VAPA: variants seen among roughly 807,000 people sequenced by gnomAD.
VAPA encodes the protein VAMP associated protein A.
In VAPA, 6 loss-of-function variants were observed where a neutral mutation model predicts 25.6. The ratio of observed to expected loss-of-function variants is 0.23; its 90% confidence interval spans 0.13 to 0.46. The LOEUF (loss-of-function observed/expected upper bound fraction) is 0.46. Ranked by LOEUF, VAPA falls within the 20% of genes least tolerant of loss-of-function variation. VAPA has a pLI of 0.99. For synonymous variants in VAPA, 112 were observed against 106.2 expected (o/e 1.05, Z -0.34); for missense variants, 244 against 302.1 (o/e 0.81, Z 1.43).
intron 4 of VAPA, among the ~76,000 whole-genome samples, chr18:9,940,501 G>T (rs747876859): frequency 4.6e-5 from 7 of 152,096 alleles, no homozygotes; most frequent in African/African-American, 7.2e-5. Context: ...TCACTTGAAG[G>T]TGCTTCTTCA....
intron 4 of VAPA, chr18:9,945,101 C>A (rs758085061): frequency 6.2e-7 from 1 of 1,601,120 alleles, no homozygotes; most frequent in Non-Finnish European, 8.5e-7. Context: ...CTACTAGTGT[C>A]AATGGTTAAG....
At chr18:9,951,608 T>A (rs2069490846) in intron 5 of VAPA, among the ~76,000 whole-genome samples, 1 of 152,252 alleles carries the variant, frequency 6.6e-6, no homozygotes, top group African/African-American at 2.4e-5. Flanking sequence ...TAATTTGTCT[T>A]TGACAAGTAA....
chr18:9,944,275 A>G (rs2069398671), intron 4 of VAPA, among the ~76,000 whole-genome samples: 1 of 152,178 alleles, frequency 6.6e-6, no homozygotes, highest in African/African-American at 2.4e-5. Flanking sequence ...AAAATGGTTG[A>G]ATATACATTA....
chr18:9,935,873 A>G (rs909114781), intron 2 of VAPA, among the ~76,000 whole-genome samples: 3 of 152,204 alleles, frequency 2.0e-5, no homozygotes, highest in African/African-American at 7.2e-5. Context: ...AAGACAGACA[A>G]TTTAAAAATA....
rs2069556521 is a variant in VAPA at position 9,956,830 on chromosome 18, A to G, written c.*2619A>G. On this transcript the variant is annotated 3_prime_UTR_variant, in exon 6 of 6. Coordinates refer to ENST00000400000, the MANE Select transcript of VAPA (RefSeq NM_194434.3). ...GCTAATACTGAAATTACAATCAAGTAACTAAGGCCTTGAGTTCATATGTGA... is the reference window on the plus strand; with the variant it reads ...GCTAATACTGAAATTACAATCAAGTGACTAAGGCCTTGAGTTCATATGTGA... 6.6e-6 allele frequency: 1 copy of G among 152,228 alleles called. No homozygotes were observed. Among genetic ancestry groups the G allele is most frequent in the Non-Finnish European group, 1.5e-5 (1 of 68,032 alleles). 9.4% of individuals were successfully genotyped at this position (152,228 alleles called of 1,614,324 possible). A position where few individuals can be genotyped will look rare whatever the true frequency, so the allele number is the denominator to read the frequency against.
chr18:9,926,925 C>T (rs1179304481), intron 1 of VAPA, among the ~76,000 whole-genome samples: 2 of 152,126 alleles, frequency 1.3e-5, no homozygotes, highest in African/African-American at 4.8e-5. Flanking sequence ...GTCTCCTAAA[C>T]ACACCTCTGA....
chr18:9,935,505 G>C (rs2069300269), intron 2 of VAPA, among the ~76,000 whole-genome samples: 1 of 152,208 alleles, frequency 6.6e-6, no homozygotes, highest in Non-Finnish European at 1.5e-5. Context: ...GCCTAGGGAG[G>C]TTGAGGCTAC....
At chr18:9,951,363 A>T (rs1259609127) in intron 5 of VAPA, 2 of 152,278 alleles carry the variant, frequency 1.3e-5, no homozygotes, top group African/African-American at 4.8e-5. Context: ...CAAAAGAAGA[A>T]AAAAATCGAT....
chr18:9,944,861 TATC>T, intron 4 of VAPA: 9 of 1,566,072 alleles, frequency 5.7e-6, no homozygotes, highest in Non-Finnish European at 6.9e-6. Context: ...TCATTCCCAA[TATC>T]ATGCAGAAGA....
chr18:9,921,657 T>C (rs1015839085), intron 1 of VAPA, among the ~76,000 whole-genome samples: 5 of 152,166 alleles, frequency 3.3e-5, no homozygotes, highest in Non-Finnish European at 5.9e-5. Context: ...TGAAATCTTA[T>C]TTGCCTTTCA....
At chr18:9,937,260 GAAGA>G (rs1044244005) in intron 4 of VAPA, among the ~76,000 whole-genome samples, 194 bp downstream of exon 4, 1 of 127,050 alleles carries the variant, frequency 7.9e-6, no homozygotes, top group Non-Finnish European at 1.6e-5. Context: ...GTTTATCCAA[GAAGA>G]AAGAAAGACT....
intron 1 of VAPA, among the ~76,000 whole-genome samples, chr18:9,924,564 G>C (rs1214740414): frequency 6.6e-6 from 1 of 152,146 alleles, no homozygotes; most frequent in Non-Finnish European, 1.5e-5. Context: ...ACTGAGCAGT[G>C]TATGCATCAG....
At chr18:9,952,614 T>G (rs2069502221) in intron 5 of VAPA, among the ~76,000 whole-genome samples, 1 of 151,928 alleles carries the variant, frequency 6.6e-6, no homozygotes, top group Non-Finnish European at 1.5e-5. Flanking sequence ...CTTACAGAAT[T>G]TCAGACCCTA....
intron 4 of VAPA, among the ~76,000 whole-genome samples, chr18:9,939,238 C>G (rs981773593): frequency 6.7e-6 from 1 of 148,646 alleles, no homozygotes; most frequent in African/African-American, 2.5e-5. Context: ...GTGGCACGAT[C>G]TTGGCTCACT....
At position 9,920,941 on chromosome 18, in the gene VAPA, T is replaced by A. The variant is rs3786421; in HGVS notation, c.79+6606T>A. ...TGAGAAGTCGTTGATACTCTACCAG[T>A]CCAAGTTGGTCAGAGCCTTCATGCC... On this transcript the variant is annotated intron_variant, in intron 1 of 5. Coordinates refer to ENST00000400000, the MANE Select transcript of VAPA (RefSeq NM_194434.3). Among the ~76,000 whole-genome samples the A allele has an allele frequency of 5.3e-5, 8 of 152,330 alleles. No homozygotes were observed. In the East Asian group the frequency reaches 1.5e-3, roughly 29 times the overall value.
Position 9,942,893 on chromosome 18 carries a change from A to G in VAPA, c.417+5827A>G, listed in dbSNP as rs78609202. The stretch of plus-strand genomic sequence containing the variant: ...TCCACCTCCAACACTGGAGATTACA[A>G]TTTGACATGGGATTTGCCGGGGGAC... On this transcript the variant is annotated intron_variant, in intron 4 of 5. Transcript: ENST00000400000. Among the ~76,000 whole-genome samples the G allele has an allele frequency of 3.0e-3, 463 of 152,252 alleles. 6 individuals carry two copies. Among genetic ancestry groups the G allele is most frequent in the African/African-American group, 0.011 (440 of 41,544 alleles).
At chr18:9,935,586 C>T (rs2069301255) in intron 2 of VAPA, among the ~76,000 whole-genome samples, 1 of 152,022 alleles carries the variant, frequency 6.6e-6, no homozygotes, top group Non-Finnish European at 1.5e-5. Context: ...TTTTAAAAAA[C>T]AAAAAACAGA....
intron 1 of VAPA, among the ~76,000 whole-genome samples, chr18:9,916,860 T>C (rs2069115813): frequency 6.6e-6 from 1 of 152,218 alleles, no homozygotes; most frequent in Non-Finnish European, 1.5e-5. Flanking sequence ...TGATTCTGAG[T>C]TTGAGATGGT....
chr18:9,944,811 T>G, intron 4 of VAPA: 1 of 1,279,756 alleles, frequency 7.8e-7, no homozygotes, highest in Non-Finnish European at 1.1e-6. Context: ...TGCATTTTTA[T>G]AAAGTGTTAA....
Sources: allele counts gnomAD v4.1 joint callset (sites outside exome capture counted in the v4.1 genomes callset), GRCh38; gene constraint gnomAD v4.1.1; transcripts MANE v1.5; gene names NCBI Gene and HGNC (gene_info 2026-07-23, HGNC 2026-07-21).